The following FAT3 variants were observed in gnomAD, a reference collection of about 807,000 sequenced individuals.
The protein encoded by FAT3 is FAT atypical cadherin 3.
In FAT3, 95 loss-of-function variants were observed where a neutral mutation model predicts 310.2. That is an observed-to-expected ratio of 0.31 (90% CI 0.26 to 0.36). FAT3 has a LOEUF of 0.36. Among genes scored for constraint, FAT3 ranks in the 10% least tolerant of loss-of-function variants. The pLI, the probability that FAT3 is intolerant of heterozygous loss-of-function variation, is 1.00. For missense variants in FAT3, 5,408 were observed against 5,715.6 expected, an observed-to-expected ratio of 0.95 and a Z score of 1.74; for synonymous variants, 2,314 against 2,192.9, an observed-to-expected ratio of 1.06 and a Z score of -1.54.
intron 3 of FAT3, among the ~76,000 whole-genome samples, chr11:92,663,720 C>A (rs1413237069): frequency 6.6e-6 from 1 of 152,272 alleles, no homozygotes; most frequent in East Asian, 1.9e-4. Context: ...TCCAAATTCC[C>A]TCTTCATGAA....
rs188348559 is a variant in FAT3, at chr11:92,284,274, C to T, written c.-18+59100C>T. Among the ~76,000 whole-genome samples the T allele has an allele frequency of 2.9e-3, 447 of 151,854 alleles. 2 individuals are homozygous for T. The highest frequency in any genetic ancestry group is 0.01 in the African/African-American group (417 of 41,398). ...AAGGTAGGAAAGTGTAAAAGGGTAA[C>T]GCCTCCGAGAACTACAGGGAGTGTT... On this transcript the variant is annotated intron_variant, in intron 1 of 27. Coordinates refer to ENST00000525166, the MANE Select transcript of FAT3 (RefSeq NM_001367949.2).
At chr11:92,716,947 G>A (rs1186650894) in intron 4 of FAT3, among the ~76,000 whole-genome samples, 1 of 152,080 alleles carries the variant, frequency 6.6e-6, no homozygotes, top group Non-Finnish European at 1.5e-5. Context: ...TGTAGGTTCA[G>A]GCAGACCAAG....
intron 2 of FAT3, among the ~76,000 whole-genome samples, chr11:92,506,480 A>G (rs1953102896): frequency 6.6e-6 from 1 of 152,192 alleles, no homozygotes; most frequent in African/African-American, 2.4e-5. Context: ...AGTAATGTAC[A>G]TACAATATAA....
intron 3 of FAT3, among the ~76,000 whole-genome samples, chr11:92,652,735 C>A (rs1942431180): frequency 1.3e-5 from 2 of 152,158 alleles, no homozygotes; most frequent in African/African-American, 2.4e-5. Context: ...ATGTGTGTAT[C>A]CCTGTAATAA....
intron 13 of FAT3, among the ~76,000 whole-genome samples, chr11:92,825,518 A>G (rs1272430083): frequency 6.6e-6 from 1 of 152,196 alleles, no homozygotes; most frequent in South Asian, 2.1e-4. Context: ...GTAAGAGAAC[A>G]TTCGGAGAAG....
intron 1 of FAT3, among the ~76,000 whole-genome samples, chr11:92,239,877 T>G (rs1209710666): frequency 6.6e-6 from 1 of 152,104 alleles, no homozygotes; most frequent in Non-Finnish European, 1.5e-5. Context: ...CCTTTCCTAT[T>G]ATCTGGTCCA....
chr11:92,783,793 A>G (rs1350756589), intron 7 of FAT3, among the ~76,000 whole-genome samples: 9 of 152,226 alleles, frequency 5.9e-5, no homozygotes, highest in Non-Finnish European at 1.2e-4. Context: ...TCATAAAATA[A>G]TAAAAATGAA....
At chr11:92,433,558 T>C (rs957384083) in intron 2 of FAT3, among the ~76,000 whole-genome samples, 4 of 152,182 alleles carry the variant, frequency 2.6e-5, no homozygotes, top group African/African-American at 9.6e-5. Flanking sequence ...CTCCGTGGGC[T>C]GCACCCACTA....
At position 92,789,929 on chromosome 11, in the gene FAT3, T is replaced by C; in HGVS notation, c.4336-14T>C. On this transcript the variant is annotated splice_polypyrimidine_tract_variant and intron_variant, in intron 7 of 27. Coordinates refer to ENST00000525166, the MANE Select transcript of FAT3 (RefSeq NM_001367949.2). ...TTGGCATTAGTCATCATTCTTTTCT[T>C]CTTTTAACTACAGGTATTTATCAAA... 1 of 1,611,048 alleles carries C rather than the reference T, an allele frequency of 6.2e-7. No individual in the cohort carries two copies.
chr11:92,246,930 G>A (rs1864938921), intron 1 of FAT3, among the ~76,000 whole-genome samples: 1 of 152,054 alleles, frequency 6.6e-6, no homozygotes, highest in Admixed American at 6.6e-5. Flanking sequence ...GGAATATTAA[G>A]GAAAACTAGG....
intron 7 of FAT3, among the ~76,000 whole-genome samples, chr11:92,781,995 T>C (rs555989462): frequency 1.1e-4 from 16 of 152,290 alleles, no homozygotes; most frequent in African/African-American, 3.6e-4. Context: ...TTTTTCTTAT[T>C]CAAGTAATCC....
At chr11:92,475,856 G>C (rs1463630514) in intron 2 of FAT3, among the ~76,000 whole-genome samples, 2 of 152,152 alleles carry the variant, frequency 1.3e-5, no homozygotes, top group African/African-American at 2.4e-5. Flanking sequence ...TTTGTAGGGA[G>C]TCACTTCCAT....
At position 92,790,340 on chromosome 11, in the gene FAT3, CAG is replaced by C. The variant is rs1356087662; in HGVS notation, c.4611+128_4611+129del. On this transcript the variant is annotated intron_variant, in intron 8 of 27. Transcript: ENST00000525166. ...AGTAGTTGTAAATTTAGTCTTTTCACAGAGAGATTGCATTCATTTTTGCCTTT... is the reference window on the plus strand; with the variant it reads ...AGTAGTTGTAAATTTAGTCTTTTCACAGAGATTGCATTCATTTTTGCCTTT... 11 of 1,067,282 alleles carry C rather than the reference CAG, an allele frequency of 1.0e-5. No individual in the cohort carries two copies. The East Asian group carries it at 1.9e-4, about 19-fold the overall frequency. The allele number at this position is 1,067,282 out of a possible 1,614,324, so 66.1% of individuals were successfully genotyped here.
chr11:92,227,317 C>G (rs1417392189), intron 1 of FAT3, among the ~76,000 whole-genome samples: 1 of 152,124 alleles, frequency 6.6e-6, no homozygotes, highest in Non-Finnish European at 1.5e-5. Flanking sequence ...CAGTTCATCA[C>G]GGTGGATTTG....
At chr11:92,589,077 C>G (rs1939295777) in intron 3 of FAT3, among the ~76,000 whole-genome samples, 1 of 152,004 alleles carries the variant, frequency 6.6e-6, no homozygotes, top group South Asian at 2.1e-4. Flanking sequence ...GTGAGCCCCA[C>G]TATCTCACTG....
At chr11:92,859,468 C>A (rs1949068226) in intron 21 of FAT3, 146 bp downstream of exon 21, 27 of 824,720 alleles carry the variant, frequency 3.3e-5, no homozygotes, top group Non-Finnish European at 4.4e-5. Context: ...AGCGGCAGAA[C>A]TGGGAAGGGA....
intron 3 of FAT3, among the ~76,000 whole-genome samples, chr11:92,661,561 CT>C (rs376966670): frequency 1.8e-4 from 26 of 146,458 alleles, no homozygotes; most frequent in Admixed American, 1.4e-4. Flanking sequence ...GTGTGGAGTG[CT>C]TTTTTTTTTG....
intron 7 of FAT3, among the ~76,000 whole-genome samples, chr11:92,788,939 G>T (rs1405204987): frequency 6.6e-6 from 1 of 152,074 alleles, no homozygotes; most frequent in Admixed American, 6.6e-5. Flanking sequence ...CCCATTTATG[G>T]ATGTATTAAC....
intron 7 of FAT3, among the ~76,000 whole-genome samples, chr11:92,778,548 T>G (rs575719352): frequency 5.9e-5 from 9 of 152,288 alleles, no homozygotes; most frequent in Non-Finnish European, 1.0e-4. Context: ...TCCAAAACAG[T>G]TTGAGTTCCT....
Sources: gnomAD v4.1 joint callset for allele counts (sites outside exome capture counted in the v4.1 genomes callset) on GRCh38, gnomAD v4.1.1 for gene constraint, MANE v1.5 for transcripts, NCBI Gene and HGNC (gene_info 2026-07-23, HGNC 2026-07-21) for gene names.